The following EXOC4 variants were observed in gnomAD, a reference collection of about 807,000 sequenced individuals.
The protein encoded by EXOC4 is exocyst complex component 4.
In EXOC4, 71 loss-of-function variants were observed where a neutral mutation model predicts 107.2. The observed-to-expected ratio is 0.66, with a 90% CI of 0.55 to 0.81. The LOEUF is 0.81. Ranked by LOEUF, EXOC4 falls within the 30% of genes least tolerant of loss-of-function variation. EXOC4 has a pLI of 0.00. For synonymous variants in EXOC4, 456 were observed against 441.2 expected (o/e 1.03, Z -0.42); for missense variants, 1,108 against 1,189.6 (o/e 0.93, Z 1.01).
At chr7:133,795,552 A>C (rs1039554180) in intron 10 of EXOC4, among the ~76,000 whole-genome samples, 8 of 152,240 alleles carry the variant, frequency 5.3e-5, no homozygotes, top group Non-Finnish European at 1.0e-4. Flanking sequence ...AGGGCTACCC[A>C]GTTATGAATA....
chr7:133,785,466 T>C (rs1047615509), intron 10 of EXOC4, among the ~76,000 whole-genome samples: 3 of 152,154 alleles, frequency 2.0e-5, no homozygotes, highest in Admixed American at 1.3e-4. Flanking sequence ...CTTTGTAATA[T>C]AGGGATAGAG....
intron 5 of EXOC4, among the ~76,000 whole-genome samples, chr7:133,339,738 A>G (rs191756531): frequency 3.5e-4 from 54 of 152,254 alleles, no homozygotes; most frequent in Non-Finnish European, 6.0e-4. Flanking sequence ...TTGGTTAGGT[A>G]TATTTCTAAG....
At chr7:133,960,464 A>C (rs1203859383) in intron 14 of EXOC4, among the ~76,000 whole-genome samples, 3 of 152,158 alleles carry the variant, frequency 2.0e-5, no homozygotes, top group Non-Finnish European at 2.9e-5. Flanking sequence ...AATTCTGTGA[A>C]TCCATCTGGT....
intron 9 of EXOC4, among the ~76,000 whole-genome samples, chr7:133,520,407 A>G (rs1799957801): frequency 6.6e-6 from 1 of 152,160 alleles, no homozygotes; most frequent in African/African-American, 2.4e-5. Context: ...CTGAGTATGA[A>G]CAAATTGGAT....
chr7:133,823,339 G>A (rs1040638304), intron 11 of EXOC4, among the ~76,000 whole-genome samples: 1 of 152,056 alleles, frequency 6.6e-6, no homozygotes, highest in Non-Finnish European at 1.5e-5. Flanking sequence ...GAATCACCCA[G>A]GAACTTCCTA....
chr7:133,755,577 C>T (rs781688570), intron 10 of EXOC4, among the ~76,000 whole-genome samples: 48 of 151,290 alleles, frequency 3.2e-4, no homozygotes, highest in Non-Finnish European at 6.6e-4. Flanking sequence ...ATCCTGACCT[C>T]GTGATCCACC....
intron 5 of EXOC4, among the ~76,000 whole-genome samples, chr7:133,324,474 T>C (rs1329191666): frequency 6.6e-6 from 1 of 152,248 alleles, no homozygotes; most frequent in South Asian, 2.1e-4. Flanking sequence ...ATGTACCCAG[T>C]AGTATTCAGG....
intron 11 of EXOC4, among the ~76,000 whole-genome samples, chr7:133,821,522 A>G (rs1264932435): frequency 1.3e-5 from 2 of 152,216 alleles, no homozygotes; most frequent in Non-Finnish European, 2.9e-5. Flanking sequence ...TGAATCCAGT[A>G]ATAAAAAATT....
At chr7:133,902,750 G>A (rs184054798) in intron 12 of EXOC4, among the ~76,000 whole-genome samples, 1 of 152,160 alleles carries the variant, frequency 6.6e-6, no homozygotes, top group Admixed American at 6.5e-5. Flanking sequence ...AACTACTCAG[G>A]AGGCTGAGGC....
intron 10 of EXOC4, among the ~76,000 whole-genome samples, chr7:133,766,518 A>T (rs1796141814): frequency 6.6e-6 from 1 of 151,980 alleles, no homozygotes; most frequent in Non-Finnish European, 1.5e-5. Context: ...CTAAAATTTA[A>T]CAGAGTTGTT....
At chr7:133,363,644 C>G (rs556412229) in intron 6 of EXOC4, among the ~76,000 whole-genome samples, 1 of 149,292 alleles carries the variant, frequency 6.7e-6, no homozygotes, top group Admixed American at 6.7e-5. Context: ...CTCTCGATTT[C>G]TCTTGTTTTA....
At chr7:133,616,597 G>C (rs2151001864) in intron 9 of EXOC4, among the ~76,000 whole-genome samples, 1 of 151,938 alleles carries the variant, frequency 6.6e-6, no homozygotes. Flanking sequence ...CCTTTGCATT[G>C]GGTAATTTTT....
At chr7:133,954,310 C>T (rs540576420) in intron 14 of EXOC4, among the ~76,000 whole-genome samples, 6 of 152,152 alleles carry the variant, frequency 3.9e-5, no homozygotes, top group Admixed American at 1.3e-4. Flanking sequence ...ATTTGGAATA[C>T]GGATTTACAT....
intron 5 of EXOC4, among the ~76,000 whole-genome samples, chr7:133,333,285 G>T (rs1312834756): frequency 6.6e-6 from 1 of 152,118 alleles, no homozygotes; most frequent in Non-Finnish European, 1.5e-5. Context: ...GCCACTGGTA[G>T]CTCCTTCAGG....
intron 9 of EXOC4, among the ~76,000 whole-genome samples, chr7:133,574,105 A>G (rs1188113231): frequency 2.6e-5 from 4 of 152,182 alleles, no homozygotes; most frequent in Non-Finnish European, 5.9e-5. Flanking sequence ...GTTTGTAATT[A>G]TTAATTATTT....
chr7:133,717,717 A>G (rs1795027258), intron 10 of EXOC4, among the ~76,000 whole-genome samples: 1 of 152,218 alleles, frequency 6.6e-6, no homozygotes, highest in Non-Finnish European at 1.5e-5. Flanking sequence ...TTAAATGCCT[A>G]TTTTTTACAT....
rs146822943 is a variant in EXOC4, at chr7:133,551,093, C to G, written c.1417+70955C>G. Among the ~76,000 whole-genome samples the G allele has an allele frequency of 3.8e-3, 582 of 152,156 alleles. 3 individuals are homozygous for G. The highest frequency in any genetic ancestry group is 0.013 in the African/African-American group (560 of 41,514). On this transcript the variant is annotated intron_variant, in intron 9 of 17. Transcript: ENST00000253861. ...CTCCCACACTATTCTAAGCCAGTAC[C>G]CTGCCGTGTATTTCTTAATCTGGAT...
intron 6 of EXOC4, among the ~76,000 whole-genome samples, chr7:133,366,362 C>G (rs1176664872): frequency 1.3e-5 from 2 of 152,144 alleles, no homozygotes; most frequent in African/African-American, 4.8e-5. Flanking sequence ...GAATAAGTAA[C>G]ATTTTACTTC....
chr7:133,818,929 T>A (rs1289991097), intron 11 of EXOC4, among the ~76,000 whole-genome samples: 2 of 152,146 alleles, frequency 1.3e-5, no homozygotes, highest in African/African-American at 2.4e-5. Flanking sequence ...CCAGGTAGCT[T>A]CTGATCAGGT....
Sources: allele counts gnomAD v4.1 joint callset (sites outside exome capture counted in the v4.1 genomes callset), GRCh38; gene constraint gnomAD v4.1.1; transcripts MANE v1.5; gene names NCBI Gene and HGNC (gene_info 2026-07-23, HGNC 2026-07-21).